Variants in GRM4 observed in about 807,000 individuals in gnomAD.
The protein encoded by GRM4 is glutamate metabotropic receptor 4.
A neutral mutation model predicts 81.7 loss-of-function variants in GRM4; 28 were observed. That is an observed-to-expected ratio of 0.34 (90% confidence interval 0.25 to 0.47). GRM4 has a LOEUF of 0.47. Among genes scored for constraint, GRM4 ranks in the 20% least tolerant of loss-of-function variants. The probability of loss-of-function intolerance (pLI) is 1.00; values close to 1 mark genes in which losing one functional copy is unlikely to be tolerated. For missense variants in GRM4, 948 were observed against 1,290.0 expected (o/e 0.73, Z 4.06); for synonymous variants, 488 against 528.8 (o/e 0.92, Z 1.06).
chr6:34,133,461 G>A lies in GRM4; in HGVS notation c.36C>T (p.Ala12=). 1 of 1,595,090 alleles carries A rather than the reference G, an allele frequency of 6.3e-7. No individual in the cohort carries two copies. The highest frequency in any genetic ancestry group is 1.7e-5 in the Admixed American group (1 of 58,574). Reference sequence around the variant, plus strand: ...TGAGGAGCAGGCAAAGGGGCAGCCGGGCCCACCACCAGCCCAAGCCTCTCT... The same window carrying A: ...TGAGGAGCAGGCAAAGGGGCAGCCGAGCCCACCACCAGCCCAAGCCTCTCT... The part of the protein sequence containing the change: ...PGKRGLGWWW[A]RLPLCLLLSL... The change falls in exon 2 of 11, where the codon GCC becomes GCT. Residue 12 remains alanine (A), a synonymous_variant. Coordinates refer to ENST00000538487, the MANE Select transcript of GRM4 (RefSeq NM_000841.4). This position sits in a 1 kb window ranked among gnomAD's most constrained non-coding sequence, Gnocchi z 6.5.
rs1764977733 is a variant in GRM4 at position 34,040,670 on chromosome 6, A to G, written c.1247T>C (p.Met416Thr). The change falls in exon 7 of 11, where the codon ATG becomes ACG. Residue 416 changes from methionine to threonine, a missense_variant. By Grantham distance (81) the Met-to-Thr change is moderately conservative. Transcript: ENST00000538487. ...GTGCATGGCGTGCAGCGCGTGGCCCATGGCGTACACGGCATCGATCACAAA... is the reference window on the plus strand; with the variant it reads ...GTGCATGGCGTGCAGCGCGTGGCCCGTGGCGTACACGGCATCGATCACAAA... ...VQFVIDAVYA[M>T]GHALHAMHRD... The G allele has an allele frequency of 6.2e-7, 1 of 1,614,120 alleles. No homozygotes were observed. The highest frequency in any genetic ancestry group is 8.5e-7 in the Non-Finnish European group (1 of 1,179,930).
intron 1 of GRM4, among the ~76,000 whole-genome samples, chr6:34,138,230 G>A (rs998276615): frequency 6.6e-5 from 10 of 152,236 alleles, no homozygotes; most frequent in South Asian, 2.1e-4. Flanking sequence ...ATAGGAAAAG[G>A]GCTTGGGGAC....
intron 2 of GRM4, among the ~76,000 whole-genome samples, chr6:34,119,423 G>A (rs1769715462): frequency 6.6e-6 from 1 of 152,194 alleles, no homozygotes; most frequent in South Asian, 2.1e-4. Context: ...GGGAGTGAGT[G>A]AGGAAGTCCC....
chr6:34,050,132 T>G (rs941662344), intron 6 of GRM4, among the ~76,000 whole-genome samples: 4 of 152,274 alleles, frequency 2.6e-5, no homozygotes, highest in Middle Eastern at 3.4e-3. Flanking sequence ...CACACTGGCC[T>G]CCTCATTGCT....
intron 2 of GRM4, among the ~76,000 whole-genome samples, chr6:34,107,178 C>T (rs1473798760): frequency 2.6e-5 from 4 of 152,176 alleles, no homozygotes; most frequent in South Asian, 2.1e-4. Flanking sequence ...CTGCCTCCCA[C>T]GGCTGTCCTT....
chr6:34,078,971 C>T lies in GRM4; in HGVS notation c.736+12912G>A, dbSNP rs1486792246. Reference sequence around the variant, plus strand: ...AGGCTGAGAGAGGCCCAGGCGCACCCCCAGGTCTGAGGCCTCAGAGGCAGC... The same window carrying T: ...AGGCTGAGAGAGGCCCAGGCGCACCTCCAGGTCTGAGGCCTCAGAGGCAGC... On this transcript the variant is annotated intron_variant, in intron 3 of 10. Transcript: ENST00000538487. This position sits in a 1 kb window ranked among gnomAD's most constrained non-coding sequence, Gnocchi z 4.8. 1.3e-5 allele frequency among the ~76,000 whole-genome samples: 2 copies of T among 152,210 alleles called. No individual in the cohort carries two copies. Among genetic ancestry groups the T allele is most frequent in the African/African-American group, 2.4e-5 (1 of 41,450 alleles).
chr6:34,024,572 G>A (rs909568112), intron 10 of GRM4: 6 of 440,612 alleles, frequency 1.4e-5, no homozygotes, highest in Admixed American at 9.6e-5. Context: ...ACATGTGGAC[G>A]AAGCAAACTG....
intron 9 of GRM4, among the ~76,000 whole-genome samples, chr6:34,028,976 C>T (rs1264819068): frequency 6.6e-6 from 1 of 152,190 alleles, no homozygotes; most frequent in Non-Finnish European, 1.5e-5. Flanking sequence ...ATTTCATGCT[C>T]GCTCGCCAGC....
In GRM4 at chr6:34,064,946, T is replaced by C. The variant is rs1423976237; in HGVS notation, c.737-2918A>G. ...CCAGTCAGTGGGACTGCAATCCTGG[T>C]CTGTGTCCAGAGCCTCCCTGAGGCG... On this transcript the variant is annotated intron_variant, in intron 3 of 10. Transcript: ENST00000538487. The surrounding 1 kb of genome is among the most constrained non-coding windows in gnomAD (Gnocchi z 4.4). Among the ~76,000 whole-genome samples the C allele has an allele frequency of 6.6e-6, 1 of 152,128 alleles. No individual in the cohort carries two copies. The highest frequency in any genetic ancestry group is 1.5e-5 in the Non-Finnish European group (1 of 68,010).
rs1769552859 is a variant in GRM4, at chr6:34,115,366, T to C, written c.519+17612A>G. Among the ~76,000 whole-genome samples the C allele has an allele frequency of 6.6e-6, 1 of 152,184 alleles. No homozygotes were observed. The highest frequency in any genetic ancestry group is 1.5e-5 in the Non-Finnish European group (1 of 68,040). On this transcript the variant is annotated intron_variant, in intron 2 of 10. Coordinates refer to ENST00000538487, the MANE Select transcript of GRM4 (RefSeq NM_000841.4). The surrounding 1 kb of genome is among the most constrained non-coding windows in gnomAD (Gnocchi z 4.1). ...GTTAGCGCAGTAGAGAGAGCAACCG[T>C]GTCTCCAGGCTTCAATTAAAATATC...
rs1367868424 is a variant in GRM4 at position 34,034,663 on chromosome 6, C to A, written c.2442+1005G>T. Among the ~76,000 whole-genome samples, 1 of 152,244 alleles carries A rather than the reference C, an allele frequency of 6.6e-6. No homozygotes were observed. The highest frequency in any genetic ancestry group is 1.5e-5 in the Non-Finnish European group (1 of 68,044). On this transcript the variant is annotated intron_variant, in intron 9 of 10. Transcript: ENST00000538487. The surrounding 1 kb of genome is among the most constrained non-coding windows in gnomAD (Gnocchi z 4.0). ...ACAGTGTATTAACTGTTTGTGCACC[C>A]ACTGTGTCATGTGATTGTGACAATA...
chr6:34,145,664 G>A (rs2127519863), intron 1 of GRM4, among the ~76,000 whole-genome samples: 1 of 152,340 alleles, frequency 6.6e-6, no homozygotes, highest in South Asian at 2.1e-4. Flanking sequence ...GAGGGCGGGA[G>A]AGCCGGGAAG....
intron 5 of GRM4, 26 bp downstream of exon 5, chr6:34,058,948 G>C (rs761824313): frequency 1.3e-6 from 2 of 1,600,002 alleles, no homozygotes; most frequent in East Asian, 2.2e-5. Flanking sequence ...GGATGGTGCC[G>C]ACCACCTGCA....
intron 1 of GRM4, among the ~76,000 whole-genome samples, chr6:34,135,224 A>C (rs902845338): frequency 1.8e-4 from 28 of 152,108 alleles, no homozygotes; most frequent in African/African-American, 6.8e-4. Flanking sequence ...AGAATCCCTG[A>C]CTGCTCCAGT....
chr6:34,131,854 G>A (rs1220940393), intron 2 of GRM4, among the ~76,000 whole-genome samples: 5 of 152,240 alleles, frequency 3.3e-5, no homozygotes, highest in Non-Finnish European at 7.4e-5. Context: ...TCCAGAGGCC[G>A]AGAATCTGAC....
chr6:34,123,938 G>A lies in GRM4; in HGVS notation c.519+9040C>T, dbSNP rs59859576. 6.6e-3 allele frequency among the ~76,000 whole-genome samples: 1,009 copies of A among 152,278 alleles called. 5 individuals carry two copies. Among genetic ancestry groups the A allele is most frequent in the Middle Eastern group, 0.044 (13 of 294 alleles). ...TGGGGGGAGTAACGGGGTGGGGTCC[G>A]AAGAGGCCCAGGAAGGCCCGAGTGT... On this transcript the variant is annotated intron_variant, in intron 2 of 10. Coordinates refer to ENST00000538487, the MANE Select transcript of GRM4 (RefSeq NM_000841.4).
At position 34,121,610 on chromosome 6, in the gene GRM4, C is replaced by G. The variant is rs553820772; in HGVS notation, c.519+11368G>C. 2.0e-5 allele frequency among the ~76,000 whole-genome samples: 3 copies of G among 152,188 alleles called. No individual in the cohort carries two copies. The South Asian group carries it at 6.2e-4, about 31-fold the overall frequency. On this transcript the variant is annotated intron_variant, in intron 2 of 10. Coordinates refer to ENST00000538487, the MANE Select transcript of GRM4 (RefSeq NM_000841.4). The surrounding 1 kb of genome is among the most constrained non-coding windows in gnomAD (Gnocchi z 4.6). ...GGCTGGAGACCAGGAGCAGGCAGCA[C>G]CTTCGAGGCAGATCCCCGCTCAGGG... is the stretch of plus-strand genomic sequence containing the variant.
At position 34,133,826 on chromosome 6, in the gene GRM4, G is replaced by T; in HGVS notation, c.-330C>A. The T allele has an allele frequency of 8.9e-7, 1 of 1,118,814 alleles. No individual in the cohort carries two copies. Among genetic ancestry groups the T allele is most frequent in the Non-Finnish European group, 1.1e-6 (1 of 916,250 alleles). 69.3% of individuals were successfully genotyped at this position (1,118,814 alleles called of 1,614,324 possible). ...TAGCTTGGCGTATCTTGGCATCAAG[G>T]AGAAAACAGCTCCAATCCTCTCCTC... On this transcript the variant is annotated 5_prime_UTR_variant, in exon 2 of 11. Coordinates refer to ENST00000538487, the MANE Select transcript of GRM4 (RefSeq NM_000841.4). This position sits in a 1 kb window ranked among gnomAD's most constrained non-coding sequence, Gnocchi z 6.5.
chr6:34,097,436 T>C (rs984818393), intron 2 of GRM4, among the ~76,000 whole-genome samples: 5 of 30,800 alleles, frequency 1.6e-4, no homozygotes, highest in Non-Finnish European at 3.9e-4. Flanking sequence ...TGCCTGTGTG[T>C]GTGTGTGTGT....
Sources: allele counts gnomAD v4.1 joint callset (sites outside exome capture counted in the v4.1 genomes callset), GRCh38; gene constraint gnomAD v4.1.1; non-coding constraint Gnocchi (gnomAD v3.1); transcripts MANE v1.5; gene names NCBI Gene and HGNC (gene_info 2026-07-23, HGNC 2026-07-21).